The following WSB1 variants were observed in gnomAD, a reference collection of about 807,000 sequenced individuals.
WSB1 encodes the protein WD repeat and SOCS box-containing protein 1.
In WSB1, 23 loss-of-function variants were observed where a neutral mutation model predicts 50.2. That is an observed-to-expected ratio of 0.46 (90% confidence interval 0.33 to 0.65). The LOEUF is 0.65. Ranked by LOEUF, WSB1 falls within the 30% of genes least tolerant of loss-of-function variation. WSB1 has a pLI of 0.02. For missense variants in WSB1, 492 were observed against 522.3 expected, an observed-to-expected ratio of 0.94 and a Z score of 0.56; for synonymous variants, 179 against 172.0, an observed-to-expected ratio of 1.04 and a Z score of -0.32.
chr17:27,307,945 T>TTTTC, intron 5 of WSB1: 1 of 1,249,004 alleles, frequency 8.0e-7, no homozygotes, highest in Non-Finnish European at 1.0e-6. Context: ...CACTTTCTGC[T>TTTTC]TTTCTTTCTT....
intron 1 of WSB1, among the ~76,000 whole-genome samples, chr17:27,300,967 C>T (rs2017203602): frequency 6.6e-6 from 1 of 152,072 alleles, no homozygotes. Flanking sequence ...ACTGCAACTT[C>T]CGCCTCCTGG....
intron 1 of WSB1, among the ~76,000 whole-genome samples, chr17:27,297,775 A>C (rs2017042424): frequency 6.6e-6 from 1 of 152,070 alleles, no homozygotes; most frequent in African/African-American, 2.4e-5. Context: ...GAGTTCCATG[A>C]TTGTGGTCAA....
intron 1 of WSB1, among the ~76,000 whole-genome samples, chr17:27,296,215 C>A (rs2016972218): frequency 6.6e-6 from 1 of 152,036 alleles, no homozygotes; most frequent in Non-Finnish European, 1.5e-5. Flanking sequence ...TGTTCCCCCA[C>A]TAGCCCCCTG....
In WSB1 at chr17:27,294,389, C is replaced by G. The variant is rs775717162; in HGVS notation, c.-7C>G. The stretch of plus-strand genomic sequence containing the variant: ...TCGTATTCCCGGAATCAGACGGTGC[C>G]CCATAGATGGCCAGCTTTCCCCCGA... On this transcript the variant is annotated 5_prime_UTR_variant, in exon 1 of 9. Transcript: ENST00000262394. 2 of 1,613,610 alleles carry G rather than the reference C, an allele frequency of 1.2e-6. No individual in the cohort carries two copies. Among genetic ancestry groups the G allele is most frequent in the South Asian group, 2.2e-5 (2 of 91,006 alleles).
chr17:27,314,645 A>C lies in WSB1; in HGVS notation c.*2276A>C, dbSNP rs2017795878. The C allele has an allele frequency of 6.6e-6, 1 of 152,138 alleles. No homozygotes were observed. The highest frequency in any genetic ancestry group is 1.5e-5 in the Non-Finnish European group (1 of 68,034). The allele number at this position is 152,138 out of a possible 1,614,324, so 9.4% of individuals were successfully genotyped here. Reference sequence around the variant, plus strand: ...TCCACACCAACATATCCAGTCAAGTAAAAACAGCTTTTTTTATTTTTTATT... The same window carrying C: ...TCCACACCAACATATCCAGTCAAGTCAAAACAGCTTTTTTTATTTTTTATT... On this transcript the variant is annotated 3_prime_UTR_variant, in exon 9 of 9. Coordinates refer to ENST00000262394, the MANE Select transcript of WSB1 (RefSeq NM_015626.10).
chr17:27,305,709 C>A (rs1329893402), intron 4 of WSB1, among the ~76,000 whole-genome samples: 2 of 152,186 alleles, frequency 1.3e-5, no homozygotes, highest in Non-Finnish European at 2.9e-5. Flanking sequence ...AGTAACCATT[C>A]CTTAATAAAG....
intron 5 of WSB1, chr17:27,308,301 G>C (rs2017537604): frequency 1.0e-6 from 1 of 985,652 alleles, no homozygotes; most frequent in South Asian, 4.7e-5. Flanking sequence ...ACAGACTGAA[G>C]TAAACATTAG....
intron 6 of WSB1, among the ~76,000 whole-genome samples, chr17:27,309,648 T>TCTCAGCTCACTGCAAC (rs1421350224): frequency 6.6e-6 from 1 of 151,696 alleles, no homozygotes; most frequent in Non-Finnish European, 1.5e-5. Context: ...AGTGGCGCAA[T>TCTCAGCTCACTGCAAC]CTCAGCTCAC....
chr17:27,295,325 C>G (rs1374844326), intron 1 of WSB1, among the ~76,000 whole-genome samples: 3 of 152,162 alleles, frequency 2.0e-5, no homozygotes, highest in Non-Finnish European at 4.4e-5. Flanking sequence ...TTACATTTTC[C>G]TACTCTTGAA....
At chr17:27,306,594 A>G (rs1423820864) in intron 4 of WSB1, among the ~76,000 whole-genome samples, 188 bp from the exon 5 acceptor site, 1 of 152,144 alleles carries the variant, frequency 6.6e-6, no homozygotes, top group Non-Finnish European at 1.5e-5. Context: ...CACAACATAA[A>G]CACATGGACA....
Position 27,315,014 on chromosome 17 carries a change from G to A in WSB1, c.*2645G>A, listed in dbSNP as rs1451594022. On this transcript the variant is annotated 3_prime_UTR_variant, in exon 9 of 9. Coordinates refer to ENST00000262394, the MANE Select transcript of WSB1 (RefSeq NM_015626.10). The stretch of plus-strand genomic sequence containing the variant: ...CATTCTGTGAGATGTTCACCTGTTT[G>A]CCACCTCTTCTCGTGAAAACCATAG... 1 of 152,158 alleles carries A rather than the reference G, an allele frequency of 6.6e-6. No individual in the cohort carries two copies. Among genetic ancestry groups the A allele is most frequent in the African/African-American group, 2.4e-5 (1 of 41,420 alleles). The allele number at this position is 152,158 out of a possible 1,614,324, so 9.4% of individuals were successfully genotyped here. A position where few individuals can be genotyped will look rare whatever the true frequency, so the allele number is the denominator to read the frequency against.
rs2150847151 is a variant in WSB1, at chr17:27,313,486, G to A, written c.*1117G>A. On this transcript the variant is annotated 3_prime_UTR_variant, in exon 9 of 9. Coordinates refer to ENST00000262394, the MANE Select transcript of WSB1 (RefSeq NM_015626.10). ...TTTCTGCAGGGGATGATATTGGTGA[G>A]TTGCCAAAGAAGCAATACAGCATAT... 6.6e-6 allele frequency: 1 copy of A among 151,946 alleles called. No homozygotes were observed. Among genetic ancestry groups the A allele is most frequent in the South Asian group, 2.1e-4 (1 of 4,812 alleles). The allele number at this position is 151,946 out of a possible 1,614,324, so 9.4% of individuals were successfully genotyped here. A position where few individuals can be genotyped will look rare whatever the true frequency, so the allele number is the denominator to read the frequency against.
intron 4 of WSB1, 70 bp from the exon 5 acceptor site, chr17:27,306,712 C>T (rs953256937): frequency 1.4e-6 from 2 of 1,460,900 alleles, no homozygotes; most frequent in Non-Finnish European, 1.9e-6. Context: ...CTTTGCTTTA[C>T]TGCTGTTTTG....
intron 5 of WSB1, chr17:27,308,490 C>G (rs1333689040): frequency 1.7e-5 from 17 of 985,176 alleles, no homozygotes; most frequent in Non-Finnish European, 2.0e-5. Flanking sequence ...GTATTATTTT[C>G]ATAAAATAGC....
At chr17:27,303,200 G>A (rs567044504) in intron 2 of WSB1, 167 bp from the exon 3 acceptor site, 27 of 693,326 alleles carry the variant, frequency 3.9e-5, no homozygotes, top group African/African-American at 2.3e-4. Context: ...TCCTTCTCTC[G>A]TAGTTCAAAT....
intron 1 of WSB1, among the ~76,000 whole-genome samples, chr17:27,298,011 C>A (rs2017056894): frequency 6.6e-6 from 1 of 151,116 alleles, no homozygotes. Context: ...GTAATCTAAG[C>A]TACTCGGGAG....
intron 2 of WSB1, 75 bp from the exon 3 acceptor site, chr17:27,303,292 C>A: frequency 6.8e-7 from 1 of 1,479,284 alleles, no homozygotes; most frequent in East Asian, 2.3e-5. Context: ...TTAACAAACA[C>A]TTGTAATTAT....
Position 27,310,147 on chromosome 17 carries a change from TG to T in WSB1, c.972del (p.His325MetfsTer11). The T allele has an allele frequency of 6.2e-7, 1 of 1,614,088 alleles. No individual in the cohort carries two copies. The highest frequency in any genetic ancestry group is 8.5e-7 in the Non-Finnish European group (1 of 1,179,932). The part of the protein sequence containing the change: ...VRSVSFSHDG[L>X]HVASLADDKM... ...TCTGTATCTTTTAGCCATGATGGAC[TG>T]CATGTTGCAAGCCTTGCTGATGATA... On this transcript the variant is annotated frameshift_variant, in exon 7 of 9. Coordinates refer to ENST00000262394, the MANE Select transcript of WSB1 (RefSeq NM_015626.10). LOFTEE classifies it high-confidence loss of function.
intron 1 of WSB1, among the ~76,000 whole-genome samples, chr17:27,299,786 T>C (rs1390749372): frequency 6.6e-6 from 1 of 152,212 alleles, no homozygotes; most frequent in Non-Finnish European, 1.5e-5. Context: ...CATTGATGGC[T>C]ATCTTCAATA....
Sources: gnomAD v4.1 joint callset for allele counts (sites outside exome capture counted in the v4.1 genomes callset) on GRCh38, gnomAD v4.1.1 for gene constraint, MANE v1.5 for transcripts, NCBI Gene and HGNC (gene_info 2026-07-23, HGNC 2026-07-21) for gene names.